The following CSMD1 variants were observed in gnomAD, a reference collection of about 807,000 sequenced individuals.
The protein encoded by CSMD1 is CUB and sushi domain-containing protein 1.
CSMD1 carries 213 observed loss-of-function variants against 417.5 expected under a neutral mutation model. The ratio of observed to expected loss-of-function variants is 0.51; its 90% CI spans 0.46 to 0.57. The LOEUF (loss-of-function observed/expected upper bound fraction) is 0.57, where lower values mean the gene tolerates loss of function less well. CSMD1 is among the 20% of genes least tolerant of loss of function. The pLI, the probability that CSMD1 is intolerant of heterozygous loss-of-function variation, is 0.00. For missense variants in CSMD1, 6,923 were observed against 4,529.7 expected (o/e 1.53, Z -15.17); for synonymous variants, 2,862 against 1,736.8 (o/e 1.65, Z -16.11).
At chr8:4,638,067 A>T (rs1371135445) in intron 1 of CSMD1, among the ~76,000 whole-genome samples, 1 of 152,246 alleles carries the variant, frequency 6.6e-6, no homozygotes, top group Non-Finnish European at 1.5e-5. Context: ...CAACAAATTA[A>T]AAGAAAATAT....
intron 6 of CSMD1, among the ~76,000 whole-genome samples, chr8:3,750,211 C>G (rs1363785159): frequency 2.6e-5 from 4 of 151,944 alleles, no homozygotes; most frequent in Non-Finnish European, 4.4e-5. Flanking sequence ...TGTTCTCTTA[C>G]AAATGACCAT....
intron 21 of CSMD1, among the ~76,000 whole-genome samples, chr8:3,349,912 ATT>A (rs1230042480): frequency 6.9e-6 from 1 of 143,898 alleles, no homozygotes; most frequent in Non-Finnish European, 1.5e-5. Context: ...ATTTATATAT[ATT>A]TATATATTAT....
chr8:4,060,345 T>C (rs942072746), intron 3 of CSMD1, among the ~76,000 whole-genome samples: 1 of 152,180 alleles, frequency 6.6e-6, no homozygotes. Flanking sequence ...TCATACTGAA[T>C]GGGCCAAAAC....
chr8:4,854,197 T>C (rs1397564727), intron 1 of CSMD1, among the ~76,000 whole-genome samples: 1 of 152,110 alleles, frequency 6.6e-6, no homozygotes, highest in Non-Finnish European at 1.5e-5. Flanking sequence ...GCATGAGATT[T>C]GGGGATGCAG....
intron 2 of CSMD1, among the ~76,000 whole-genome samples, chr8:4,599,431 G>T (rs1314036724): frequency 6.6e-6 from 1 of 151,678 alleles, no homozygotes; most frequent in African/African-American, 2.4e-5. Context: ...TCCTAAATTG[G>T]AGTAAATTGT....
At chr8:3,314,166 T>C (rs1054147485) in intron 23 of CSMD1, among the ~76,000 whole-genome samples, 3 of 152,186 alleles carry the variant, frequency 2.0e-5, no homozygotes, top group Non-Finnish European at 4.4e-5. Context: ...ATATACCTAA[T>C]GTTAAATGAC....
At chr8:4,472,283 TA>T (rs1230045196) in intron 2 of CSMD1, among the ~76,000 whole-genome samples, 1 of 152,166 alleles carries the variant, frequency 6.6e-6, no homozygotes, top group Non-Finnish European at 1.5e-5. Flanking sequence ...TTCTAATAAT[TA>T]AAAAAGTAAA....
chr8:4,985,838 G>A (rs769323436), intron 1 of CSMD1, among the ~76,000 whole-genome samples: 1 of 152,110 alleles, frequency 6.6e-6, no homozygotes, highest in Non-Finnish European at 1.5e-5. Flanking sequence ...CAGATGGATT[G>A]GTCTTATGTT....
At chr8:3,712,166 T>TAATTTG (rs202190871) in intron 6 of CSMD1, among the ~76,000 whole-genome samples, 85,188 of 151,782 alleles carry the variant, frequency 0.56, 24,034 homozygotes, top group Admixed American at 0.63. Flanking sequence ...AGTTACTACG[T>TAATTTG]TCTCTTATTG....
intron 2 of CSMD1, among the ~76,000 whole-genome samples, chr8:4,512,117 T>C (rs749651666): frequency 3.9e-5 from 6 of 152,316 alleles, no homozygotes; most frequent in Non-Finnish European, 7.3e-5. Flanking sequence ...TCATCTCAGG[T>C]ATGCAAGGCT....
chr8:3,422,167 C>G (rs1385987390), intron 12 of CSMD1, among the ~76,000 whole-genome samples: 1 of 152,168 alleles, frequency 6.6e-6, no homozygotes, highest in African/African-American at 2.4e-5. Flanking sequence ...TCCTTTGAAA[C>G]TTAGTTTCAC....
intron 5 of CSMD1, among the ~76,000 whole-genome samples, chr8:3,850,594 C>G (rs1277617609): frequency 6.6e-6 from 1 of 152,104 alleles, no homozygotes; most frequent in Admixed American, 6.5e-5. Flanking sequence ...ACTTAGGAAG[C>G]TGAGGCAGGA....
At chr8:4,219,886 C>G (rs1044603904) in intron 3 of CSMD1, among the ~76,000 whole-genome samples, 4 of 152,078 alleles carry the variant, frequency 2.6e-5, no homozygotes, top group Non-Finnish European at 5.9e-5. Flanking sequence ...GAATTAATAC[C>G]AGGTGGAAAC....
At chr8:3,917,828 G>A (rs971153060) in intron 5 of CSMD1, among the ~76,000 whole-genome samples, 8 of 151,498 alleles carry the variant, frequency 5.3e-5, no homozygotes, top group South Asian at 2.1e-4. Context: ...GTGTGTATGC[G>A]GTAAAAGCAC....
intron 5 of CSMD1, among the ~76,000 whole-genome samples, chr8:3,946,620 A>T (rs1055638663): frequency 5.3e-5 from 8 of 152,150 alleles, no homozygotes; most frequent in African/African-American, 1.9e-4. Context: ...AATTGTGTTG[A>T]TCCTACAGAC....
intron 3 of CSMD1, among the ~76,000 whole-genome samples, chr8:4,288,882 A>G (rs954396240): frequency 6.6e-6 from 1 of 152,192 alleles, no homozygotes; most frequent in Non-Finnish European, 1.5e-5. Context: ...AAGAGTAAAT[A>G]TTAGTTACTT....
chr8:4,575,787 T>C (rs1799108604), intron 2 of CSMD1, among the ~76,000 whole-genome samples: 2 of 152,220 alleles, frequency 1.3e-5, no homozygotes, highest in Non-Finnish European at 2.9e-5. Flanking sequence ...ATTGCTGGTC[T>C]CATCTCCGGC....
chr8:3,180,910 C>A (rs1225469881), intron 37 of CSMD1, among the ~76,000 whole-genome samples, 200 bp downstream of exon 37: 1 of 152,130 alleles, frequency 6.6e-6, no homozygotes, highest in Admixed American at 6.6e-5. Context: ...TCCCAACGTG[C>A]TGGGATTATA....
At chr8:3,673,262 C>G (rs1799178022) in intron 7 of CSMD1, among the ~76,000 whole-genome samples, 2 of 152,168 alleles carry the variant, frequency 1.3e-5, no homozygotes, top group Non-Finnish European at 2.9e-5. Context: ...AACACATGCT[C>G]TTTGTCCTCT....
Sources: gnomAD v4.1 joint callset for allele counts (sites outside exome capture counted in the v4.1 genomes callset) on GRCh38, gnomAD v4.1.1 for gene constraint, MANE v1.5 for transcripts, NCBI Gene and HGNC (gene_info 2026-07-23, HGNC 2026-07-21) for gene names.